USP34: variants seen among roughly 807,000 people sequenced by gnomAD.
USP34 encodes ubiquitin carboxyl-terminal hydrolase 34.
USP34 carries 70 observed loss-of-function variants against 460.3 expected under a neutral mutation model. The ratio of observed to expected loss-of-function variants is 0.15; its 90% CI spans 0.13 to 0.19. USP34 has a LOEUF of 0.19. Ranked by LOEUF, USP34 falls within the 10% of genes least tolerant of loss-of-function variation. USP34 has a pLI of 1.00. For missense variants in USP34, 3,985 were observed against 4,236.2 expected (o/e 0.94, Z 1.65); for synonymous variants, 1,647 against 1,405.3 (o/e 1.17, Z -3.85).
At chr2:61,331,199 G>A in intron 20 of USP34, 77 bp downstream of exon 20, 1 of 1,282,142 alleles carries the variant, frequency 7.8e-7, no homozygotes, top group Non-Finnish European at 1.1e-6. Flanking sequence ...ATGAAAAAAA[G>A]TTAAAACACT....
chr2:61,206,212 G>A (rs1214769655), intron 71 of USP34, 88 bp from the exon 72 acceptor site: 46 of 1,111,002 alleles, frequency 4.1e-5, no homozygotes, highest in Middle Eastern at 2.7e-4. Flanking sequence ...GAATGCTAAT[G>A]CTAGAAATTC....
At chr2:61,241,236 A>G (rs1688248225) in intron 53 of USP34, among the ~76,000 whole-genome samples, 1 of 151,832 alleles carries the variant, frequency 6.6e-6, no homozygotes, top group African/African-American at 2.4e-5. Context: ...GGAGAAACAG[A>G]GTTTCACCAT....
At chr2:61,357,895 A>T (rs560284144) in intron 10 of USP34, among the ~76,000 whole-genome samples, 1 of 152,146 alleles carries the variant, frequency 6.6e-6, no homozygotes, top group Non-Finnish European at 1.5e-5. Flanking sequence ...TCTCTTTACA[A>T]AACAGTAAGA....
At chr2:61,338,826 T>G (rs1450619215) in intron 18 of USP34, among the ~76,000 whole-genome samples, 1 of 152,134 alleles carries the variant, frequency 6.6e-6, no homozygotes, top group East Asian at 1.9e-4. Context: ...AAAAAAAGAC[T>G]TTTGAGGTAT....
chr2:61,297,073 G>T, intron 29 of USP34, 148 bp from the exon 30 acceptor site: 1 of 1,067,854 alleles, frequency 9.4e-7, no homozygotes, highest in Non-Finnish European at 1.3e-6. Flanking sequence ...TTTGTTATAT[G>T]ATACATATTT....
intron 10 of USP34, among the ~76,000 whole-genome samples, chr2:61,365,292 C>T (rs528924567): frequency 3.8e-4 from 54 of 142,198 alleles, no homozygotes; most frequent in Non-Finnish European, 4.6e-4. Context: ...CACACACACA[C>T]GTGTGTTTAT....
chr2:61,238,761 A>C (rs1688145356), intron 53 of USP34, among the ~76,000 whole-genome samples: 1 of 152,122 alleles, frequency 6.6e-6, no homozygotes, highest in Non-Finnish European at 1.5e-5. Context: ...TGCAATGAGG[A>C]ATTTTCTAAT....
chr2:61,422,221 G>C (rs183299082), intron 1 of USP34, among the ~76,000 whole-genome samples: 28 of 152,290 alleles, frequency 1.8e-4, no homozygotes, highest in African/African-American at 6.7e-4. Flanking sequence ...ATTTCAACAA[G>C]GTGAAGAAGG....
Position 61,317,662 on chromosome 2 carries a change from T to C in USP34, c.3274A>G (p.Asn1092Asp), listed in dbSNP as rs1309796148. 1.9e-6 allele frequency: 3 copies of C among 1,613,220 alleles called. No homozygotes were observed. Among genetic ancestry groups the C allele is most frequent in the East Asian group, 2.2e-5 (1 of 44,874 alleles). Residue 1092 changes from asparagine (N) to aspartate (D), a missense_variant, in exon 23 of 80, where the codon AAT becomes GAT. Around this residue, in one of 14 missense-constraint regions of USP34, gnomAD observed 1,114 missense variants for 1,122.5 expected, o/e 0.99. Transcript: ENST00000398571. ...LATSAYDGCS[N>D]SELCGMDQFW... ...TAAGTCTAAATCCATACCTCAGAAT[T>C]TGAACAACCATCATAGGCACTGGTA...
rs1424151484 is a variant in USP34 at position 61,442,896 on chromosome 2, TGTACACACAC to T, written c.44-22073_44-22064del. Among the ~76,000 whole-genome samples the T allele has an allele frequency of 2.9e-3, 230 of 78,762 alleles. 1 individual carries two copies. The highest frequency in any genetic ancestry group is 0.011 in the African/African-American group (219 of 20,342). The allele number at this position is 78,762 out of a possible 152,430, so 51.7% of individuals were successfully genotyped here. A position where few individuals can be genotyped will look rare whatever the true frequency, so the allele number is the denominator to read the frequency against. On this transcript the variant is annotated intron_variant, in intron 1 of 79. Coordinates refer to ENST00000398571, the MANE Select transcript of USP34 (RefSeq NM_014709.4). ...GAATGGATAAACAAAATGTGATGTGTGTACACACACACACACACACACACACACACACACA... is the reference window on the plus strand; with the variant it reads ...GAATGGATAAACAAAATGTGATGTGTACACACACACACACACACACACACA...
chr2:61,337,500 C>A (rs1691459910), intron 18 of USP34, among the ~76,000 whole-genome samples: 1 of 152,078 alleles, frequency 6.6e-6, no homozygotes, highest in South Asian at 2.1e-4. Context: ...TTGCTCAGGG[C>A]TGGAGTGCAG....
chr2:61,259,013 A>C (rs1168037020), intron 44 of USP34, among the ~76,000 whole-genome samples: 1 of 152,138 alleles, frequency 6.6e-6, no homozygotes, highest in Non-Finnish European at 1.5e-5. Context: ...TAATCCCAAC[A>C]CTTTGGGAGG....
At chr2:61,219,836 T>C (rs1687507471) in intron 67 of USP34, among the ~76,000 whole-genome samples, 1 of 152,122 alleles carries the variant, frequency 6.6e-6, no homozygotes, top group Non-Finnish European at 1.5e-5. Context: ...ACATTTTCTA[T>C]GTTTATTTCC....
chr2:61,453,159 C>T (rs895372848), intron 1 of USP34, among the ~76,000 whole-genome samples: 1 of 152,024 alleles, frequency 6.6e-6, no homozygotes, highest in Non-Finnish European at 1.5e-5. Context: ...GCCTATAATC[C>T]CAGCACTTAG....
chr2:61,448,211 T>A (rs146206035), intron 1 of USP34, among the ~76,000 whole-genome samples: 1 of 152,238 alleles, frequency 6.6e-6, no homozygotes, highest in African/African-American at 2.4e-5. Flanking sequence ...TGAATGCCCA[T>A]GTCTATAATC....
intron 7 of USP34, among the ~76,000 whole-genome samples, 173 bp from the exon 8 acceptor site, chr2:61,378,597 T>G (rs1423041489): frequency 6.6e-6 from 1 of 151,948 alleles, no homozygotes; most frequent in African/African-American, 2.4e-5. Flanking sequence ...CTAAAACTAT[T>G]TCTGTTATAT....
At chr2:61,303,069 G>A (rs200589956) in intron 27 of USP34, among the ~76,000 whole-genome samples, 2 of 151,694 alleles carry the variant, frequency 1.3e-5, no homozygotes, top group South Asian at 2.1e-4. Context: ...TCATATTATT[G>A]TAAGTTTTTT....
intron 3 of USP34, among the ~76,000 whole-genome samples, chr2:61,404,168 T>C (rs1693801732): frequency 6.6e-6 from 1 of 151,962 alleles, no homozygotes; most frequent in South Asian, 2.1e-4. Flanking sequence ...TAAGTCTCCA[T>C]TCGACATGAA....
intron 5 of USP34, among the ~76,000 whole-genome samples, chr2:61,393,766 T>C (rs2103898735): frequency 6.6e-6 from 1 of 152,342 alleles, no homozygotes; most frequent in East Asian, 1.9e-4. Context: ...CACTGAACTT[T>C]TGCTTTACCA....
Sources: gnomAD v4.1 joint callset for allele counts (sites outside exome capture counted in the v4.1 genomes callset) on GRCh38, gnomAD v4.1.1 for gene constraint, gnomAD v4.1.1 regional missense constraint, MANE v1.5 for transcripts, NCBI Gene and HGNC (gene_info 2026-07-23, HGNC 2026-07-21) for gene names.